CFAP251: variants seen among roughly 807,000 people sequenced by gnomAD.
CFAP251 encodes the protein cilia- and flagella-associated protein 251.
A neutral mutation model predicts 126.7 loss-of-function variants in CFAP251; 93 were observed. The ratio of observed to expected loss-of-function variants is 0.73; its 90% CI spans 0.62 to 0.87. The LOEUF (loss-of-function observed/expected upper bound fraction) is 0.87, where lower values mean the gene tolerates loss of function less well. Among genes scored for constraint, CFAP251 ranks in the 40% least tolerant of loss-of-function variants. The pLI is 0.00. For missense variants in CFAP251, 1,287 were observed against 1,389.2 expected (o/e 0.93, Z 1.17); for synonymous variants, 503 against 506.9 (o/e 0.99, Z 0.10).
At chr12:121,968,234 G>A in intron 17 of CFAP251, 65 bp downstream of exon 17, 1 of 1,491,342 alleles carries the variant, frequency 6.7e-7, no homozygotes, top group East Asian at 2.3e-5. Flanking sequence ...AACAGTGATA[G>A]ACACTGAACC....
At chr12:121,999,664 G>C in intron 19 of CFAP251, 52 bp from the exon 20 acceptor site, 1 of 1,423,764 alleles carries the variant, frequency 7.0e-7, no homozygotes, top group Non-Finnish European at 9.7e-7. Flanking sequence ...AATCTATCCT[G>C]GTGCCTTTTC....
chr12:121,997,693 T>C (rs898261417), intron 19 of CFAP251: 4 of 151,970 alleles, frequency 2.6e-5, no homozygotes, highest in Non-Finnish European at 5.9e-5. Context: ...TGGAATTGTT[T>C]TATTAATTTA....
At position 121,988,124 on chromosome 12, in the gene CFAP251, T is replaced by A. The variant is rs144768952; in HGVS notation, c.3007-11592T>A. Among the ~76,000 whole-genome samples the A allele has an allele frequency of 7.9e-5, 12 of 152,092 alleles. No individual in the cohort carries two copies. In the East Asian group the frequency reaches 1.2e-3, roughly 15 times the overall value. On this transcript the variant is annotated intron_variant, in intron 19 of 21. Transcript: ENST00000288912. ...TATTTTAAATATTTTTAAATATTTT[T>A]AAAAATATTTCAAAAATATTAAATT...
At chr12:121,942,708 A>T (rs529086986) in intron 6 of CFAP251, 63 bp downstream of exon 6, 1 of 1,371,736 alleles carries the variant, frequency 7.3e-7, no homozygotes, top group African/African-American at 1.4e-5. Flanking sequence ...GCGTGTCCCC[A>T]TGGGCAGCTC....
rs373952171 is a variant in CFAP251, at chr12:121,975,258, C to G, written c.2786C>G (p.Ala929Gly). ...WKITLSVLEA[A>G]VSLGGEDLTP... ...TGTTGTTCCAGTGTCCTGGAGGCAG[C>G]GGTTTCTCTTGGGGGTGAAGACTTG... The change falls in exon 18 of 22, where the codon GCG (alanine) becomes GGG (glycine). Residue 929 changes from alanine to glycine, a missense_variant. Transcript: ENST00000288912. 3.1e-6 allele frequency: 5 copies of G among 1,613,854 alleles called. No homozygotes were observed. The Admixed American group carries it at 6.7e-5, about 22-fold the overall frequency.
At chr12:121,931,453 C>T (rs957135979) in intron 3 of CFAP251, among the ~76,000 whole-genome samples, 2 of 152,182 alleles carry the variant, frequency 1.3e-5, no homozygotes. Flanking sequence ...GCTGGGATTA[C>T]AGGCATGCAT....
intron 8 of CFAP251, 55 bp downstream of exon 8, chr12:121,949,116 C>A: frequency 1.7e-6 from 2 of 1,157,774 alleles, no homozygotes; most frequent in South Asian, 1.5e-5. Context: ...TGTGTTCATT[C>A]TTTGAGTACA....
chr12:122,001,533 T>C lies in CFAP251; in HGVS notation c.3272T>C (p.Phe1091Ser), dbSNP rs774628412. ...HMTEEEMLDC[F>S]ASLFGLNPEG... Reference sequence around the variant, plus strand: ...ACGGAGGAGGAGATGTTGGATTGCTTTGCTTCACTGTTTGGCCTGAATCCC... The same window carrying C: ...ACGGAGGAGGAGATGTTGGATTGCTCTGCTTCACTGTTTGGCCTGAATCCC... The change falls in exon 21 of 22, where the codon TTT becomes TCT. Residue 1091 changes from phenylalanine to serine, a missense_variant. Coordinates refer to ENST00000288912, the MANE Select transcript of CFAP251 (RefSeq NM_144668.6). The C allele has an allele frequency of 6.2e-7, 1 of 1,614,116 alleles. No homozygotes were observed. Among genetic ancestry groups the C allele is most frequent in the Non-Finnish European group, 8.5e-7 (1 of 1,180,010 alleles).
chr12:121,976,055 T>C (rs1306904374), intron 19 of CFAP251, among the ~76,000 whole-genome samples: 1 of 151,024 alleles, frequency 6.6e-6, no homozygotes, highest in Non-Finnish European at 1.5e-5. Flanking sequence ...GTCACGCAGG[T>C]TGGACTGCAG....
At chr12:121,995,261 G>T (rs1322093259) in intron 19 of CFAP251, among the ~76,000 whole-genome samples, 1 of 152,180 alleles carries the variant, frequency 6.6e-6, no homozygotes, top group Non-Finnish European at 1.5e-5. Flanking sequence ...GTAAATAGTA[G>T]CATTCCTATG....
At chr12:121,971,729 T>A in intron 17 of CFAP251, 1 of 657,638 alleles carries the variant, frequency 1.5e-6, no homozygotes, top group South Asian at 1.6e-5. Context: ...AGGAGGAAAA[T>A]AAAGGACTTT....
chr12:121,931,925 C>T, intron 4 of CFAP251, 39 bp downstream of exon 4: 1 of 1,455,156 alleles, frequency 6.9e-7, no homozygotes, highest in South Asian at 1.5e-5. Flanking sequence ...GGGGAGTTGT[C>T]TTTAACGTGC....
At chr12:121,977,353 T>C (rs1402318084) in intron 19 of CFAP251, among the ~76,000 whole-genome samples, 1 of 152,216 alleles carries the variant, frequency 6.6e-6, no homozygotes, top group East Asian at 1.9e-4. Flanking sequence ...TGTATAGATG[T>C]ATATAGTTTT....
At position 121,923,837 on chromosome 12, in the gene CFAP251, A is replaced by G. The variant is rs778105551; in HGVS notation, c.594A>G (p.Arg198=). 2 of 1,614,068 alleles carry G rather than the reference A, an allele frequency of 1.2e-6. No homozygotes were observed. The change falls in exon 3 of 22, where the codon AGA becomes AGG. Residue 198 remains arginine (R), a synonymous_variant. Coordinates refer to ENST00000288912, the MANE Select transcript of CFAP251 (RefSeq NM_144668.6). The part of the protein sequence containing the change: ...RMPQDELGQE[R]RDLEPENREE... The stretch of plus-strand genomic sequence containing the variant: ...CCCAAGATGAACTGGGACAAGAAAG[A>G]AGGGACTTGGAGCCAGAAAACAGAG...
chr12:121,966,916 T>A, intron 15 of CFAP251, 39 bp from the exon 16 acceptor site: 1 of 1,585,422 alleles, frequency 6.3e-7, no homozygotes, highest in South Asian at 1.1e-5. Context: ...ATGTTGAGAT[T>A]TGTGGAATTT....
chr12:121,971,427 A>G, intron 17 of CFAP251: 5 of 656,094 alleles, frequency 7.6e-6, no homozygotes, highest in Admixed American at 4.2e-5. Flanking sequence ...GACTCTTCCT[A>G]AGAAAGGTGT....
rs1419713838 is a variant in CFAP251, at chr12:121,921,475, C to T, written c.170C>T (p.Thr57Met). 49 of 614,268 alleles carry T rather than the reference C, an allele frequency of 8.0e-5. 1 individual carries two copies. Among genetic ancestry groups the T allele is most frequent in the East Asian group, 4.8e-4 (14 of 28,932 alleles). 38.1% of individuals were successfully genotyped at this position (614,268 alleles called of 1,614,324 possible). ...GAGTCTCAGGAGGAGGAGAGGAAAA[C>T]GGGCGAGGAGGAAGGGGAGGAGGAG... ...WRESQEEERK[T>M]GEEEGEEEGK... The change falls in exon 2 of 22, where the codon ACG becomes ATG. Residue 57 changes from threonine to methionine, a missense_variant. Coordinates refer to ENST00000288912, the MANE Select transcript of CFAP251 (RefSeq NM_144668.6).
intron 5 of CFAP251, among the ~76,000 whole-genome samples, chr12:121,942,011 G>T (rs1202985196): frequency 1.3e-5 from 2 of 152,152 alleles, no homozygotes; most frequent in Non-Finnish European, 2.9e-5. Context: ...TCAGTGCCTG[G>T]TACCTAGTGA....
At chr12:121,942,763 C>A in intron 6 of CFAP251, 118 bp downstream of exon 6, 1 of 1,243,590 alleles carries the variant, frequency 8.0e-7, no homozygotes, top group African/African-American at 1.5e-5. Flanking sequence ...CTCAAAAGAC[C>A]AGACTCCACA....
Sources: allele counts gnomAD v4.1 joint callset (sites outside exome capture counted in the v4.1 genomes callset), GRCh38; gene constraint gnomAD v4.1.1; transcripts MANE v1.5; gene names NCBI Gene and HGNC (gene_info 2026-07-23, HGNC 2026-07-21).